MORC1: variants seen among roughly 807,000 people sequenced by gnomAD.
The protein encoded by MORC1 is MORC family CW-type zinc finger 1.
MORC1 carries 59 observed loss-of-function variants against 134.9 expected under a neutral mutation model. The observed-to-expected ratio is 0.44, with a 90% CI of 0.35 to 0.54. The LOEUF is 0.54. MORC1 is among the 20% of genes least tolerant of loss of function. The pLI is 0.00. For missense variants in MORC1, 947 were observed against 1,134.5 expected, an observed-to-expected ratio of 0.83 and a Z score of 2.37; for synonymous variants, 395 against 391.7, an observed-to-expected ratio of 1.01 and a Z score of -0.10.
At chr3:109,031,815 T>G (rs1949247825) in intron 16 of MORC1, among the ~76,000 whole-genome samples, 1 of 152,164 alleles carries the variant, frequency 6.6e-6, no homozygotes, top group African/African-American at 2.4e-5. Flanking sequence ...TACTTATTTT[T>G]GGGTTCTGTG....
chr3:109,035,372 T>G lies in MORC1; in HGVS notation c.1427A>C (p.Gln476Pro). 1 of 1,588,828 alleles carries G rather than the reference T, an allele frequency of 6.3e-7. No individual in the cohort carries two copies. Among genetic ancestry groups the G allele is most frequent in the Non-Finnish European group, 8.6e-7 (1 of 1,166,046 alleles). The change falls in exon 15 of 28, where the codon CAA becomes CCA. Residue 476 changes from glutamine (Q) to proline (P), a missense_variant. Coordinates refer to ENST00000232603, the MANE Select transcript of MORC1 (RefSeq NM_014429.4). The part of the protein sequence containing the change: ...PLNSFQYQRR[Q>P]AMGIPFIIQC... ...TATGATGAATGGGATACCCATGGCTTGTCTTCTTTGATATTGAAAAGAATT... is the reference window on the plus strand; with the variant it reads ...TATGATGAATGGGATACCCATGGCTGGTCTTCTTTGATATTGAAAAGAATT...
At chr3:109,028,236 C>T (rs1032876313) in intron 16 of MORC1, among the ~76,000 whole-genome samples, 1 of 151,344 alleles carries the variant, frequency 6.6e-6, no homozygotes, top group Non-Finnish European at 1.5e-5. Flanking sequence ...CTGCCATTTC[C>T]CCCCCCAAAA....
At chr3:109,057,553 C>T in intron 12 of MORC1, 67 bp from the exon 13 acceptor site, 1 of 1,371,850 alleles carries the variant, frequency 7.3e-7, no homozygotes. Context: ...TAGGAAACTG[C>T]TAATAATTAA....
chr3:108,973,284 G>C (rs554602756), intron 24 of MORC1, among the ~76,000 whole-genome samples: 1 of 152,300 alleles, frequency 6.6e-6, no homozygotes, highest in South Asian at 2.1e-4. Context: ...ATTTGGCCTA[G>C]TGGGGCAATA....
intron 1 of MORC1, among the ~76,000 whole-genome samples, chr3:109,116,254 C>T (rs1379887409): frequency 6.6e-6 from 1 of 152,102 alleles, no homozygotes; most frequent in Non-Finnish European, 1.5e-5. Context: ...GGAAAATGGA[C>T]CATCTAGCAG....
intron 11 of MORC1, among the ~76,000 whole-genome samples, 175 bp downstream of exon 11, chr3:109,061,813 C>T (rs563331720): frequency 6.6e-6 from 1 of 152,218 alleles, no homozygotes; most frequent in East Asian, 1.9e-4. Context: ...GCTGAGTTTC[C>T]TCTCCTTTCT....
intron 8 of MORC1, among the ~76,000 whole-genome samples, chr3:109,085,068 G>A (rs567679120): frequency 6.6e-6 from 1 of 152,002 alleles, no homozygotes; most frequent in Admixed American, 6.6e-5. Context: ...AGAAAACATT[G>A]GGGAAACTCT....
At chr3:109,008,932 A>C (rs1215111984) in intron 17 of MORC1, among the ~76,000 whole-genome samples, 2 of 152,196 alleles carry the variant, frequency 1.3e-5, no homozygotes, top group Non-Finnish European at 2.9e-5. Context: ...GGCAAACGTC[A>C]AACTACTTTT....
chr3:109,117,026 C>A (rs1332620800), intron 1 of MORC1, among the ~76,000 whole-genome samples: 1 of 151,944 alleles, frequency 6.6e-6, no homozygotes, highest in African/African-American at 2.4e-5. Flanking sequence ...TCCAGCACTG[C>A]CCTGAGCATT....
rs761097625 is a variant in MORC1, at chr3:109,027,731, A to C, written c.1704+20T>G. The C allele has an allele frequency of 1.4e-5, 22 of 1,613,474 alleles. No individual in the cohort carries two copies. Among genetic ancestry groups the C allele is most frequent in the Non-Finnish European group, 9.3e-6 (11 of 1,179,644 alleles). ...TTAAAGAGTCACAGTAGAATTAGGGAGGAATTAATCACAACTCACCTGTGG... is the reference window on the plus strand; with the variant it reads ...TTAAAGAGTCACAGTAGAATTAGGGCGGAATTAATCACAACTCACCTGTGG... On this transcript the variant is annotated intron_variant, in intron 17 of 27. Transcript: ENST00000232603.
intron 14 of MORC1, among the ~76,000 whole-genome samples, chr3:109,040,628 G>A (rs577545995): frequency 6.6e-6 from 1 of 151,664 alleles, no homozygotes; most frequent in Non-Finnish European, 1.5e-5. Context: ...TCAGGAGTTT[G>A]AGATCAGCCT....
At chr3:109,029,008 G>A (rs1293500645) in intron 16 of MORC1, among the ~76,000 whole-genome samples, 2 of 152,174 alleles carry the variant, frequency 1.3e-5, no homozygotes, top group Non-Finnish European at 2.9e-5. Flanking sequence ...AAGGGAGGAG[G>A]AGGCTGAGGA....
At chr3:109,033,791 T>C (rs1055995098) in intron 15 of MORC1, among the ~76,000 whole-genome samples, 2 of 152,182 alleles carry the variant, frequency 1.3e-5, no homozygotes, top group Non-Finnish European at 2.9e-5. Context: ...TGCTAGACAC[T>C]ATCCTTAGCA....
intron 10 of MORC1, 102 bp downstream of exon 10, chr3:109,063,050 C>T (rs1950118414): frequency 1.3e-6 from 1 of 748,486 alleles, no homozygotes; most frequent in Non-Finnish European, 2.2e-6. Flanking sequence ...ATTGTAGTAG[C>T]TCCTACAATG....
intron 17 of MORC1, among the ~76,000 whole-genome samples, chr3:109,014,834 T>C (rs1948779095): frequency 6.6e-6 from 1 of 152,208 alleles, no homozygotes. Context: ...ACAGCAAAGA[T>C]GTATGTCTCA....
intron 17 of MORC1, among the ~76,000 whole-genome samples, chr3:109,024,013 C>T (rs1209947177): frequency 6.6e-6 from 1 of 152,176 alleles, no homozygotes; most frequent in South Asian, 2.1e-4. Flanking sequence ...AGGATCTTGG[C>T]TTGTTGACAT....
At chr3:109,038,089 T>G (rs1949421824) in intron 14 of MORC1, among the ~76,000 whole-genome samples, 1 of 152,196 alleles carries the variant, frequency 6.6e-6, no homozygotes, top group Non-Finnish European at 1.5e-5. Flanking sequence ...TTTCTCCACA[T>G]CCTCTCCAGT....
chr3:109,115,356 CACAGAG>C (rs138549738), intron 1 of MORC1, among the ~76,000 whole-genome samples: 3,256 of 112,422 alleles, frequency 0.029, 108 homozygotes, highest in African/African-American at 0.11. Flanking sequence ...CACACACACA[CACAGAG>C]AGAGAGAATA....
At chr3:109,031,705 C>T (rs1415007822) in intron 16 of MORC1, among the ~76,000 whole-genome samples, 2 of 151,986 alleles carry the variant, frequency 1.3e-5, no homozygotes, top group Non-Finnish European at 2.9e-5. Flanking sequence ...AATCACGGTC[C>T]CTGGAGCTCT....
Sources: allele counts gnomAD v4.1 joint callset (sites outside exome capture counted in the v4.1 genomes callset), GRCh38; gene constraint gnomAD v4.1.1; transcripts MANE v1.5; gene names NCBI Gene and HGNC (gene_info 2026-07-23, HGNC 2026-07-21).